Variants in INTS6L observed in about 807,000 individuals in gnomAD.
INTS6L encodes integrator complex subunit 6-like.
A neutral mutation model predicts 64.7 loss-of-function variants in INTS6L; 18 were observed. That is an observed-to-expected ratio of 0.28 (90% CI 0.19 to 0.41). INTS6L has a LOEUF of 0.41. Ranked by LOEUF, INTS6L falls within the 10% of genes least tolerant of loss-of-function variation. The probability of loss-of-function intolerance (pLI) is 1.00; values close to 1 mark genes in which losing one functional copy is unlikely to be tolerated. For missense variants in INTS6L, 533 were observed against 661.0 expected (o/e 0.81, Z 2.12); for synonymous variants, 227 against 235.9 (o/e 0.96, Z 0.34).
chrX:135,533,875 G>T (rs782516753), intron 2 of INTS6L, among the ~76,000 whole-genome samples: 1 of 111,579 alleles, frequency 9.0e-6, no homozygotes, highest in East Asian at 2.8e-4. Context: ...CTGATAATAG[G>T]TATTAGTTGA....
At chrX:135,562,686 T>C (rs2086823213) in intron 9 of INTS6L, among the ~76,000 whole-genome samples, 1 of 112,489 alleles carries the variant, frequency 8.9e-6, no homozygotes. Flanking sequence ...ACTTGGTTCA[T>C]ACACATTTAG....
intron 14 of INTS6L, among the ~76,000 whole-genome samples, chrX:135,576,844 G>A (rs868985141): frequency 1.1e-4 from 12 of 112,362 alleles, no homozygotes; most frequent in Admixed American, 2.8e-4. Context: ...TCTCCTTTTG[G>A]TTGAATAATG....
chrX:135,582,278 C>G lies in INTS6L; in HGVS notation c.*642C>G, dbSNP rs1442109714. ...GTGCACTTGAGGCTGCCCCCAACCT[C>G]TGACATTTGTTCTTGCATGTGATGA... On this transcript the variant is annotated 3_prime_UTR_variant, in exon 18 of 18. Transcript: ENST00000639893. 8.9e-6 allele frequency: 1 copy of G among 112,397 alleles called. No homozygotes were observed. The highest frequency in any genetic ancestry group is 1.9e-5 in the Non-Finnish European group (1 of 53,243). The allele number at this position is 112,397 out of a possible 1,213,427, so 9.3% of individuals were successfully genotyped here.
Position 135,581,871 on chromosome X carries a change from G to T in INTS6L, c.*235G>T, listed in dbSNP as rs1417884125. 11 of 307,433 alleles carry T rather than the reference G, an allele frequency of 3.6e-5. No individual in the cohort carries two copies. The highest frequency in any genetic ancestry group is 6.2e-5 in the Non-Finnish European group (11 of 176,696). The allele number at this position is 307,433 out of a possible 1,213,427, so 25.3% of individuals were successfully genotyped here. ...GTTTTCCTCAATTGAGGAAGCTGAT[G>T]TTATTAATTCACAGGCTAAATTCGG... On this transcript the variant is annotated 3_prime_UTR_variant, in exon 18 of 18. Transcript: ENST00000639893.
In INTS6L at chrX:135,572,996, A is replaced by G. The variant is rs145147340; in HGVS notation, c.1580A>G (p.Lys527Arg). Residue 527 changes from lysine (K) to arginine (R), a missense_variant, in exon 12 of 18, where the codon AAA becomes AGA. Transcript: ENST00000639893. ...TALRLTELNT[K>R]EFAGFQIGLL... ...CTTAGACTGACAGAATTGAACACCA[A>G]AGAATTTGCTGGCTTCCAAATTGGG... is the stretch of plus-strand genomic sequence containing the variant. The G allele has an allele frequency of 8.3e-7, 1 of 1,210,882 alleles. No individual in the cohort carries two copies. The highest frequency in any genetic ancestry group is 1.1e-6 in the Non-Finnish European group (1 of 895,086).
At chrX:135,522,888 A>G (rs1431801167) in intron 2 of INTS6L, among the ~76,000 whole-genome samples, 3 of 112,434 alleles carry the variant, frequency 2.7e-5, no homozygotes, top group African/African-American at 9.7e-5. Flanking sequence ...TAAAAATGTC[A>G]GTTTTCCCAA....
Position 135,574,073 on chromosome X carries a change from T to C in INTS6L, c.1741+11T>C. 1 of 1,173,272 alleles carries C rather than the reference T, an allele frequency of 8.5e-7. No homozygotes were observed. Among genetic ancestry groups the C allele is most frequent in the African/African-American group, 1.8e-5 (1 of 54,554 alleles). ...TTGGACAAGATGAAGGTAAAATAACTGTGAAATACTTTTTTTTTTTTTTTG... is the reference window on the plus strand; with the variant it reads ...TTGGACAAGATGAAGGTAAAATAACCGTGAAATACTTTTTTTTTTTTTTTG... On this transcript the variant is annotated intron_variant, in intron 13 of 17. Coordinates refer to ENST00000639893, the MANE Select transcript of INTS6L (RefSeq NM_001351601.3).
At chrX:135,553,224 G>C (rs782480313) in intron 8 of INTS6L, among the ~76,000 whole-genome samples, 26 of 111,616 alleles carry the variant, frequency 2.3e-4, no homozygotes, top group Non-Finnish European at 4.5e-4. Context: ...GTTTCTCTTG[G>C]GGGGATGCAA....
intron 9 of INTS6L, among the ~76,000 whole-genome samples, chrX:135,561,311 T>A (rs1339371091): frequency 4.6e-4 from 52 of 112,072 alleles, no homozygotes; most frequent in Non-Finnish European, 5.8e-4. Context: ...TTTAGTCTGT[T>A]AAGTATGATG....
intron 16 of INTS6L, 87 bp downstream of exon 16, chrX:135,580,249 G>A (rs972346805): frequency 2.7e-5 from 28 of 1,040,129 alleles, no homozygotes; most frequent in Non-Finnish European, 3.4e-5. Context: ...TATCCCTTGA[G>A]GTACACTGGG....
At chrX:135,549,479 T>G (rs2086443460) in intron 6 of INTS6L, among the ~76,000 whole-genome samples, 163 bp from the exon 7 acceptor site, 1 of 112,474 alleles carries the variant, frequency 8.9e-6, no homozygotes. Flanking sequence ...GAGAGAACAT[T>G]TAGAAATCCT....
At chrX:135,568,631 C>T (rs782147509) in intron 9 of INTS6L, among the ~76,000 whole-genome samples, 44 of 111,130 alleles carry the variant, frequency 4.0e-4, no homozygotes, top group African/African-American at 1.4e-3. Context: ...CTCACTGCAG[C>T]CTCAACCTCC....
rs782654510 is a variant in INTS6L at position 135,572,842 on chromosome X, G to T, written c.1426G>T (p.Ala476Ser). 1 of 1,211,047 alleles carries T rather than the reference G, an allele frequency of 8.3e-7. No individual in the cohort carries two copies. Among genetic ancestry groups the T allele is most frequent in the South Asian group, 1.8e-5 (1 of 56,915 alleles). ...CAAACTAGAGTCAGAACGAATACTAGCATCAGTGGGGAAGAAACCTCCCCA... is the reference window on the plus strand; with the variant it reads ...CAAACTAGAGTCAGAACGAATACTATCATCAGTGGGGAAGAAACCTCCCCA... ...QTKLESERIL[A>S]SVGKKPPQEI... The change falls in exon 12 of 18, where the codon GCA (alanine) becomes TCA (serine). Residue 476 changes from alanine (A) to serine (S), a missense_variant. Transcript: ENST00000639893.
At chrX:135,570,853 C>T in intron 11 of INTS6L, 1 of 210,928 alleles carries the variant, frequency 4.7e-6, no homozygotes, top group Non-Finnish European at 8.8e-6. Context: ...CTATCTTCAA[C>T]CTAGTTCCTC....
intron 9 of INTS6L, among the ~76,000 whole-genome samples, chrX:135,562,676 A>C (rs2086822979): frequency 8.9e-6 from 1 of 111,884 alleles, no homozygotes; most frequent in Non-Finnish European, 1.9e-5. Context: ...TGCAGCTTTT[A>C]CTTGGTTCAT....
intron 15 of INTS6L, 126 bp downstream of exon 15, chrX:135,577,553 A>ATAGATGATTTAG: frequency 2.9e-6 from 2 of 680,070 alleles, no homozygotes; most frequent in Non-Finnish European, 4.4e-6. Context: ...CCATTACTAA[A>ATAGATGATTTAG]TCATCTATTT....
intron 7 of INTS6L, among the ~76,000 whole-genome samples, chrX:135,550,890 G>T (rs1556516793): frequency 9.0e-6 from 1 of 111,687 alleles, no homozygotes; most frequent in African/African-American, 3.3e-5. Flanking sequence ...CTAGCAACAA[G>T]TCTTCATTCA....
At chrX:135,521,193 CCCCCCTCCTTTCCTACGCGA>C (rs782475325) in intron 1 of INTS6L, 28 bp from the exon 2 acceptor site, 4 of 1,183,792 alleles carry the variant, frequency 3.4e-6, no homozygotes, top group Non-Finnish European at 4.6e-6. Flanking sequence ...GTATCGCCCT[CCCCCCTCCTTTCCTACGCGA>C]CCCCCTCCGT....
chrX:135,526,824 A>C (rs2085751759), intron 2 of INTS6L, among the ~76,000 whole-genome samples: 1 of 111,685 alleles, frequency 9.0e-6, no homozygotes, highest in Non-Finnish European at 1.9e-5. Flanking sequence ...CAATATGTTA[A>C]GTGTCAAAGC....
Sources: allele counts gnomAD v4.1 joint callset (sites outside exome capture counted in the v4.1 genomes callset), GRCh38; gene constraint gnomAD v4.1.1; transcripts MANE v1.5; gene names NCBI Gene and HGNC (gene_info 2026-07-23, HGNC 2026-07-21).